Variants in METTL25 observed in about 807,000 individuals in gnomAD.
METTL25 encodes methyltransferase like 25.
A neutral mutation model predicts 71.6 loss-of-function variants in METTL25; 64 were observed. The ratio of observed to expected loss-of-function variants is 0.89; its 90% confidence interval spans 0.73 to 1.10. METTL25 has a LOEUF of 1.10. Ranked by LOEUF, METTL25 falls within the 50% of genes least tolerant of loss-of-function variation. The probability of loss-of-function intolerance (pLI) is 0.00; values close to 1 mark genes in which losing one functional copy is unlikely to be tolerated. For missense variants in METTL25, 807 were observed against 707.0 expected, an observed-to-expected ratio of 1.14 and a Z score of -1.60; for synonymous variants, 287 against 250.3, an observed-to-expected ratio of 1.15 and a Z score of -1.38.
At chr12:82,415,470 TAG>T (rs1887899321) in intron 5 of METTL25, among the ~76,000 whole-genome samples, 1 of 152,062 alleles carries the variant, frequency 6.6e-6, no homozygotes, top group African/African-American at 2.4e-5. Flanking sequence ...TACATGTAAT[TAG>T]ATTTACTAAG....
chr12:82,394,513 T>C (rs1885903527), intron 3 of METTL25, among the ~76,000 whole-genome samples: 1 of 152,056 alleles, frequency 6.6e-6, no homozygotes, highest in Non-Finnish European at 1.5e-5. Flanking sequence ...CTCTAAAACA[T>C]GTTCACTCAT....
At chr12:82,451,378 T>C (rs1891135730) in intron 8 of METTL25, 1 of 368,996 alleles carries the variant, frequency 2.7e-6, no homozygotes. Flanking sequence ...CACTGCATCA[T>C]ATCACTGTGG....
intron 8 of METTL25, among the ~76,000 whole-genome samples, chr12:82,447,306 CA>C (rs1267450343): frequency 2.0e-5 from 3 of 151,966 alleles, no homozygotes; most frequent in Admixed American, 2.0e-4. Context: ...TGATCAATAG[CA>C]GCAATGTTTA....
At chr12:82,430,398 C>T (rs1889386316) in intron 5 of METTL25, among the ~76,000 whole-genome samples, 2 of 151,232 alleles carry the variant, frequency 1.3e-5, no homozygotes, top group South Asian at 4.2e-4. Context: ...GAAATAAGAG[C>T]CTGTACAGCT....
chr12:82,386,629 A>G (rs2136943782), intron 1 of METTL25, among the ~76,000 whole-genome samples, 174 bp from the exon 2 acceptor site: 1 of 152,134 alleles, frequency 6.6e-6, no homozygotes, highest in African/African-American at 2.4e-5. Context: ...CCATATAGCT[A>G]ATCGTTTAAA....
At chr12:82,383,484 G>A (rs966876706) in intron 1 of METTL25, among the ~76,000 whole-genome samples, 11 of 152,040 alleles carry the variant, frequency 7.2e-5, no homozygotes, top group African/African-American at 2.4e-4. Context: ...GCCTTCCTAC[G>A]TCTCAGTTGT....
In METTL25 at chr12:82,386,888, T is replaced by C; in HGVS notation, c.345T>C (p.Tyr115=). Reference sequence around the variant, plus strand: ...CCTTTGCTCTGGCTGCGAAATACTATTCTGTACAAAACTTGGGAATATGTA... The same window carrying C: ...CCTTTGCTCTGGCTGCGAAATACTACTCTGTACAAAACTTGGGAATATGTA... ...VEAFALAAKY[Y]SVQNLGICTP... Residue 115 remains tyrosine (Y), a synonymous_variant, in exon 2 of 12, where the codon TAT becomes TAC. Coordinates refer to ENST00000248306, the MANE Select transcript of METTL25 (RefSeq NM_032230.3). The C allele has an allele frequency of 6.2e-7, 1 of 1,613,512 alleles. No individual in the cohort carries two copies. The highest frequency in any genetic ancestry group is 8.5e-7 in the Non-Finnish European group (1 of 1,179,630).
At chr12:82,400,177 T>C (rs1272211802) in intron 4 of METTL25, among the ~76,000 whole-genome samples, 1 of 151,266 alleles carries the variant, frequency 6.6e-6, no homozygotes. Flanking sequence ...CAAAAAAAAA[T>C]ATATATTAGC....
At position 82,398,916 on chromosome 12, in the gene METTL25, G is replaced by C. The variant is rs111995347; in HGVS notation, c.653G>C (p.Arg218Thr). 1 of 1,612,512 alleles carries C rather than the reference G, an allele frequency of 6.2e-7. No homozygotes were observed. Reference sequence around the variant, plus strand: ...ACTCATGGAGCTGAGGAGAGAAACAGAAAATTGAAGAAACATTGGAAACTC... The same window carrying C: ...ACTCATGGAGCTGAGGAGAGAAACACAAAATTGAAGAAACATTGGAAACTC... ...TNTHGAEERN[R>T]KLKKHWKLCH... Residue 218 changes from arginine to threonine, a missense_variant, in exon 4 of 12, where the codon AGA (arginine) becomes ACA (threonine). Physicochemically the swap from Arg to Thr is moderately conservative, Grantham distance 71. Coordinates refer to ENST00000248306, the MANE Select transcript of METTL25 (RefSeq NM_032230.3).
chr12:82,359,074 G>A (rs1427775402), intron 1 of METTL25, among the ~76,000 whole-genome samples: 1 of 152,210 alleles, frequency 6.6e-6, no homozygotes, highest in Admixed American at 6.5e-5. Context: ...CAGGGCAGGG[G>A]AGTTCCTTCA....
At chr12:82,383,365 C>T (rs963265218) in intron 1 of METTL25, among the ~76,000 whole-genome samples, 37 of 151,842 alleles carry the variant, frequency 2.4e-4, no homozygotes, top group African/African-American at 9.0e-4. Flanking sequence ...GTCCACTGTA[C>T]TTAACAACTG....
chr12:82,450,765 A>G (rs1255492627), intron 8 of METTL25, among the ~76,000 whole-genome samples: 1 of 152,066 alleles, frequency 6.6e-6, no homozygotes, highest in Non-Finnish European at 1.5e-5. Flanking sequence ...TACCAGAAAC[A>G]CTTCTCTACT....
chr12:82,378,281 T>A (rs1884083691), intron 1 of METTL25, among the ~76,000 whole-genome samples: 1 of 152,206 alleles, frequency 6.6e-6, no homozygotes, highest in Non-Finnish European at 1.5e-5. Flanking sequence ...CTTGTTTATT[T>A]TCTATACAGC....
intron 2 of METTL25, among the ~76,000 whole-genome samples, chr12:82,387,286 C>G (rs1440415001): frequency 6.6e-6 from 1 of 151,676 alleles, no homozygotes; most frequent in African/African-American, 2.4e-5. Flanking sequence ...TTTGTTGCAG[C>G]AGGCTAATGT....
chr12:82,387,347 G>A (rs2136947557), intron 2 of METTL25, among the ~76,000 whole-genome samples: 1 of 151,936 alleles, frequency 6.6e-6, no homozygotes, highest in Admixed American at 6.6e-5. Flanking sequence ...TGGGGATGTG[G>A]GGAGAAGCAT....
chr12:82,398,723 C>CA, intron 3 of METTL25, 72 bp from the exon 4 acceptor site: 2 of 1,088,314 alleles, frequency 1.8e-6, no homozygotes, highest in Non-Finnish European at 2.5e-6. Context: ...TTGTTTACTT[C>CA]AAAAAATCTA....
At chr12:82,416,927 C>T (rs1245525713) in intron 5 of METTL25, among the ~76,000 whole-genome samples, 1 of 151,994 alleles carries the variant, frequency 6.6e-6, no homozygotes, top group African/African-American at 2.4e-5. Flanking sequence ...AAATGAAAAT[C>T]AAGAAAATTT....
intron 3 of METTL25, among the ~76,000 whole-genome samples, chr12:82,391,395 T>A (rs1221547169): frequency 6.6e-6 from 1 of 152,070 alleles, no homozygotes; most frequent in Non-Finnish European, 1.5e-5. Context: ...TAATGATGTA[T>A]CACTGTGTAA....
At chr12:82,412,157 A>G (rs561849580) in intron 5 of METTL25, among the ~76,000 whole-genome samples, 1 of 152,224 alleles carries the variant, frequency 6.6e-6, no homozygotes, top group South Asian at 2.1e-4. Context: ...AATAAATAAA[A>G]CTAGTACTTA....
Sources: allele counts gnomAD v4.1 joint callset (sites outside exome capture counted in the v4.1 genomes callset), GRCh38; gene constraint gnomAD v4.1.1; transcripts MANE v1.5; gene names NCBI Gene and HGNC (gene_info 2026-07-23, HGNC 2026-07-21).